Variants in RBPJ observed in about 807,000 individuals in gnomAD.
RBPJ encodes recombining binding protein suppressor of hairless.
RBPJ carries 9 observed loss-of-function variants against 67.8 expected under a neutral mutation model. That is an observed-to-expected ratio of 0.13 (90% confidence interval 0.08 to 0.23). RBPJ has a LOEUF of 0.23. Ranked by LOEUF, RBPJ falls within the 10% of genes least tolerant of loss-of-function variation. The probability of loss-of-function intolerance (pLI) is 1.00; values close to 1 mark genes in which losing one functional copy is unlikely to be tolerated. For synonymous variants in RBPJ, 198 were observed against 203.3 expected (o/e 0.97, Z 0.22); for missense variants, 305 against 595.6 (o/e 0.51, Z 5.08).
At chr4:26,182,204 C>T (rs573388616) in intron 1 of RBPJ, among the ~76,000 whole-genome samples, 2 of 152,020 alleles carry the variant, frequency 1.3e-5, no homozygotes, top group African/African-American at 2.4e-5. Flanking sequence ...TAGCCGGGCG[C>T]CGTGGCGGGC....
chr4:26,260,788 C>T (rs1420846849), intron 1 of RBPJ, among the ~76,000 whole-genome samples: 1 of 152,106 alleles, frequency 6.6e-6, no homozygotes, highest in Non-Finnish European at 1.5e-5. Context: ...TTCTCAAGGC[C>T]CCACTCAAGT....
At chr4:26,318,978 C>CAGAGCA (rs897717006), upstream of RBPJ, among the ~76,000 whole-genome samples, 5 of 116,288 alleles carry the variant, frequency 4.3e-5, no homozygotes, top group Non-Finnish European at 8.3e-5. Context: ...GCCTAGGCGA[C>CAGAGCA]AGAGCAAGAC....
intron 1 of RBPJ, among the ~76,000 whole-genome samples, chr4:26,343,831 A>G (rs1725832154): frequency 7.2e-6 from 1 of 139,468 alleles, no homozygotes; most frequent in African/African-American, 2.8e-5. Context: ...GCTCACTGCA[A>G]CCTCCACCTC....
intron 1 of RBPJ, among the ~76,000 whole-genome samples, chr4:26,292,620 C>T (rs1457610556): frequency 6.7e-6 from 1 of 150,158 alleles, no homozygotes; most frequent in African/African-American, 2.5e-5. Context: ...CGAGGTTTCA[C>T]CATGTTGGCC....
intron 1 of RBPJ, among the ~76,000 whole-genome samples, chr4:26,206,714 T>G (rs61352070): frequency 1.3e-3 from 186 of 148,182 alleles, no homozygotes; most frequent in African/African-American, 4.4e-3. Context: ...ACTCCAAGGA[T>G]TTTCAAAACT....
chr4:26,363,855 T>C (rs1163782004), intron 1 of RBPJ, among the ~76,000 whole-genome samples: 1 of 152,254 alleles, frequency 6.6e-6, no homozygotes, highest in Non-Finnish European at 1.5e-5. Context: ...GTTACTAGTA[T>C]AGTAATTCTA....
At chr4:26,411,103 AAAT>A (rs1183616142) in intron 3 of RBPJ, among the ~76,000 whole-genome samples, 1 of 152,122 alleles carries the variant, frequency 6.6e-6, no homozygotes, top group Non-Finnish European at 1.5e-5. Flanking sequence ...ACCTGGCCTA[AAAT>A]ACACCACATA....
chr4:26,204,300 T>A (rs1430434942), intron 1 of RBPJ, among the ~76,000 whole-genome samples: 1 of 152,176 alleles, frequency 6.6e-6, no homozygotes, highest in Non-Finnish European at 1.5e-5. Flanking sequence ...ACATAGTTTT[T>A]GCACTCAAAA....
At chr4:26,333,758 C>G (rs769115503) in intron 1 of RBPJ, among the ~76,000 whole-genome samples, 3 of 151,974 alleles carry the variant, frequency 2.0e-5, no homozygotes, top group Non-Finnish European at 2.9e-5. Flanking sequence ...GGCAAAATCA[C>G]AGCTCACTGT....
intron 1 of RBPJ, among the ~76,000 whole-genome samples, chr4:26,214,460 A>C (rs1470901930): frequency 1.5e-5 from 2 of 136,950 alleles, no homozygotes; most frequent in Non-Finnish European, 3.2e-5. Flanking sequence ...AAAAGAAAGA[A>C]TGAAAGAGAA....
intron 2 of RBPJ, among the ~76,000 whole-genome samples, chr4:26,398,635 A>G (rs540949441): frequency 2.6e-5 from 4 of 152,290 alleles, no homozygotes. Flanking sequence ...CTTTTTGGAA[A>G]CAGAGTCTCG....
intron 1 of RBPJ, among the ~76,000 whole-genome samples, chr4:26,269,201 A>C (rs1005170802): frequency 1.8e-4 from 26 of 147,544 alleles, no homozygotes; most frequent in African/African-American, 6.4e-4. Context: ...CTTGGCTATT[A>C]TTTTATTTTA....
chr4:26,125,801 A>AG, the RBPJ span, among the ~76,000 whole-genome samples: 1 of 149,240 alleles, frequency 6.7e-6, no homozygotes, highest in East Asian at 1.9e-4. Context: ...TCCATTTCAA[A>AG]AAAAAAAAAA....
chr4:26,305,766 C>CTTTTTTT (rs1722212611), intron 1 of RBPJ, among the ~76,000 whole-genome samples: 1 of 57,642 alleles, frequency 1.7e-5, no homozygotes, highest in African/African-American at 7.4e-5. Flanking sequence ...TTAGAATTTT[C>CTTTTTTT]TTTTCTTTTT....
chr4:26,287,741 A>G (rs1721530448), intron 1 of RBPJ, among the ~76,000 whole-genome samples: 1 of 145,170 alleles, frequency 6.9e-6, no homozygotes, highest in Non-Finnish European at 1.5e-5. Flanking sequence ...AAAGGGAGGG[A>G]GGAAGGCAGG....
At chr4:26,371,117 T>TA (rs1431038015) in intron 1 of RBPJ, among the ~76,000 whole-genome samples, 1 of 152,182 alleles carries the variant, frequency 6.6e-6, no homozygotes, top group African/African-American at 2.4e-5. Flanking sequence ...AATGTCAACT[T>TA]ACAATTTTTT....
chr4:26,336,587 T>C lies in RBPJ; in HGVS notation c.20+15539T>C, dbSNP rs190855745. Among the ~76,000 whole-genome samples, 284 of 152,016 alleles carry C rather than the reference T, an allele frequency of 1.9e-3. 4 individuals are homozygous for C. The highest frequency in any genetic ancestry group is 1.2e-3 in the Non-Finnish European group (84 of 67,980). On this transcript the variant is annotated intron_variant, in intron 1 of 10. Transcript: ENST00000355476. ...ATCACTTAAGCCCAGGAGTTTGAGA[T>C]TGCAGTGAGCTGTGATTAAACCACT...
chr4:26,290,014 T>C (rs1278088592), intron 1 of RBPJ, among the ~76,000 whole-genome samples: 2 of 150,458 alleles, frequency 1.3e-5, no homozygotes. Flanking sequence ...AATGCCAATA[T>C]AAAGTTAAAG....
At chr4:26,419,322 TC>T (rs571474807) in intron 4 of RBPJ, among the ~76,000 whole-genome samples, 106 of 152,354 alleles carry the variant, frequency 7.0e-4, no homozygotes, top group Admixed American at 1.7e-3. Flanking sequence ...ATTTTTGCCT[TC>T]TACAGAGCAA....
Sources: allele counts gnomAD v4.1 joint callset (sites outside exome capture counted in the v4.1 genomes callset), GRCh38; gene constraint gnomAD v4.1.1; transcripts MANE v1.5; gene names NCBI Gene and HGNC (gene_info 2026-07-23, HGNC 2026-07-21).